FANK1: variants seen among roughly 807,000 people sequenced by gnomAD.
The protein encoded by FANK1 is fibronectin type 3 and ankyrin repeat domains protein 1.
FANK1 carries 44 observed loss-of-function variants against 45.3 expected under a neutral mutation model. That is an observed-to-expected ratio of 0.97 (90% confidence interval 0.76 to 1.25). The LOEUF (loss-of-function observed/expected upper bound fraction) is 1.25, where lower values mean the gene tolerates loss of function less well. FANK1 is among the 50% of genes most tolerant of loss of function. The probability of loss-of-function intolerance (pLI) is 0.00; values close to 1 mark genes in which losing one functional copy is unlikely to be tolerated. For synonymous variants in FANK1, 149 were observed against 152.5 expected (o/e 0.98, Z 0.17); for missense variants, 391 against 424.4 (o/e 0.92, Z 0.69).
At chr10:125,914,360 A>G (rs1345883152) in intron 1 of FANK1, among the ~76,000 whole-genome samples, 1 of 151,486 alleles carries the variant, frequency 6.6e-6, no homozygotes, top group African/African-American at 2.4e-5. Flanking sequence ...TGTAAGCTTC[A>G]TGAGGACAGG....
At chr10:125,981,642 T>C (rs1036742546) in intron 2 of FANK1, among the ~76,000 whole-genome samples, 1 of 152,206 alleles carries the variant, frequency 6.6e-6, no homozygotes, top group Non-Finnish European at 1.5e-5. Flanking sequence ...GATACAAATA[T>C]GGTTTTTAGT....
rs34132526 is a variant in FANK1, at chr10:125,906,515, C to CAAA, written c.13+9887_13+9889dup. The stretch of plus-strand genomic sequence containing the variant: ...TTGGGGACAGAGCAAGACTCTGTCT[C>CAAA]AAAAAAAAAAAAAAAAAAAAAAAAA... On this transcript the variant is annotated intron_variant, in intron 1 of 10. Transcript: ENST00000368693. 8.6e-4 allele frequency among the ~76,000 whole-genome samples: 40 copies of CAAA among 46,410 alleles called. 3 individuals are homozygous for CAAA. Among genetic ancestry groups the CAAA allele is most frequent in the African/African-American group, 1.6e-3 (21 of 13,426 alleles). The allele number at this position is 46,410 out of a possible 152,430, so 30.4% of individuals were successfully genotyped here.
At chr10:125,998,003 A>G (rs923479425) in intron 6 of FANK1, among the ~76,000 whole-genome samples, 11 of 152,246 alleles carry the variant, frequency 7.2e-5, no homozygotes, top group African/African-American at 1.9e-4. Flanking sequence ...GGAAAAGCTC[A>G]GGGGAAGAAC....
At chr10:125,947,178 A>G (rs968194751) in intron 1 of FANK1, among the ~76,000 whole-genome samples, 3 of 152,260 alleles carry the variant, frequency 2.0e-5, no homozygotes, top group South Asian at 2.1e-4. Context: ...TGTAAAGACC[A>G]TCAAGACTAG....
chr10:126,008,657 G>A lies in FANK1; in HGVS notation c.849+107G>A, dbSNP rs531677025. 31 of 1,308,704 alleles carry A rather than the reference G, an allele frequency of 2.4e-5. No individual in the cohort carries two copies. The East Asian group carries it at 6.9e-4, about 29-fold the overall frequency. The allele number at this position is 1,308,704 out of a possible 1,614,324, so 81.1% of individuals were successfully genotyped here. On this transcript the variant is annotated intron_variant, in intron 8 of 10. Transcript: ENST00000368693. Reference sequence around the variant, plus strand: ...AGTTCAGCCCTGCACCAGCCCTTGGGTTTGACTGTGTGTGTGTGTTCCCTG... The same window carrying A: ...AGTTCAGCCCTGCACCAGCCCTTGGATTTGACTGTGTGTGTGTGTTCCCTG...
chr10:125,909,685 ACTTTTT>A (rs1945830957), intron 1 of FANK1, among the ~76,000 whole-genome samples: 1 of 126,726 alleles, frequency 7.9e-6, no homozygotes, highest in African/African-American at 3.1e-5. Flanking sequence ...TGACCAATTA[ACTTTTT>A]TTTTTTTTTT....
At chr10:125,969,076 C>A (rs1055030281) in intron 1 of FANK1, among the ~76,000 whole-genome samples, 5 of 152,118 alleles carry the variant, frequency 3.3e-5, no homozygotes, top group African/African-American at 4.8e-5. Context: ...TTTTGAGGTA[C>A]TTCTTGTAGT....
intron 2 of FANK1, among the ~76,000 whole-genome samples, chr10:125,986,458 A>G (rs141414207): frequency 2.3e-3 from 343 of 152,358 alleles, no homozygotes; most frequent in African/African-American, 7.5e-3. Flanking sequence ...AGTTTTCAAA[A>G]AAAGGTTCTG....
chr10:125,905,282 T>TAAA (rs66941744), intron 1 of FANK1, among the ~76,000 whole-genome samples: 6 of 141,596 alleles, frequency 4.2e-5, no homozygotes, highest in East Asian at 2.0e-4. Flanking sequence ...TCACTAAGAT[T>TAAA]AAAAAAAAAA....
intron 1 of FANK1, chr10:125,972,893 A>AACACACACACACACACAC (rs150851164): frequency 4.9e-5 from 7 of 142,342 alleles, no homozygotes; most frequent in African/African-American, 1.3e-4. Flanking sequence ...ACCTGCCCCC[A>AACACACACACACACACAC]ACACACACAC....
At chr10:125,905,056 G>A (rs375520532) in intron 1 of FANK1, among the ~76,000 whole-genome samples, 2 of 150,926 alleles carry the variant, frequency 1.3e-5, no homozygotes, top group African/African-American at 4.9e-5. Flanking sequence ...GTGTGAACCC[G>A]GGAGGCGGAC....
rs532342212 is a variant in FANK1 at position 125,970,752 on chromosome 10, G to A, written c.14-9409G>A. ...TCAGGCAGGGAGGTTGCAGTGAGCC[G>A]AGATCGCGGCAGTACAGTCCAGCCT... On this transcript the variant is annotated intron_variant, in intron 1 of 10. Transcript: ENST00000368693. Among the ~76,000 whole-genome samples, 376 of 152,300 alleles carry A rather than the reference G, an allele frequency of 2.5e-3. 1 individual carries two copies. The highest frequency in any genetic ancestry group is 4.3e-3 in the Non-Finnish European group (291 of 68,014).
chr10:125,990,900 A>T (rs1036331687), intron 3 of FANK1, among the ~76,000 whole-genome samples: 10 of 152,184 alleles, frequency 6.6e-5, no homozygotes, highest in Admixed American at 2.6e-4. Context: ...AAGAGAGAGC[A>T]TGTGCAGGGG....
chr10:125,917,978 C>T (rs1464536625), intron 1 of FANK1, among the ~76,000 whole-genome samples: 1 of 152,262 alleles, frequency 6.6e-6, no homozygotes, highest in African/African-American at 2.4e-5. Context: ...ACTGGGGAGG[C>T]TGAGGTGGGT....
In FANK1 at chr10:126,009,093, C is replaced by CT. The variant is rs758559536; in HGVS notation, c.891dup (p.Leu298SerfsTer2). The CT allele has an allele frequency of 1.9e-6, 3 of 1,614,190 alleles. No individual in the cohort carries two copies. The highest frequency in any genetic ancestry group is 2.5e-6 in the Non-Finnish European group (3 of 1,180,036). On this transcript the variant is annotated frameshift_variant, in exon 9 of 11. Transcript: ENST00000368693. LOFTEE classifies it high-confidence loss of function. ...TAATCATGAAGAGTTAGTTCAGTTA[C>CT]TTCTTGACAAAGGGGCAGATGCAAG...
chr10:125,914,979 A>C (rs1369326319), intron 1 of FANK1, among the ~76,000 whole-genome samples: 1 of 152,102 alleles, frequency 6.6e-6, no homozygotes, highest in Non-Finnish European at 1.5e-5. Context: ...AAGCCCAGGG[A>C]ATGGTCGGGA....
rs912348301 is a variant in FANK1, at chr10:125,962,008, GCTT to G, written c.14-18150_14-18148del. Among the ~76,000 whole-genome samples the G allele has an allele frequency of 2.0e-3, 307 of 152,260 alleles. 2 individuals carry two copies. The highest frequency in any genetic ancestry group is 6.9e-3 in the African/African-American group (285 of 41,546). ...AAATGAGATTACATCAAACAAAAAA[GCTT>G]CTGCACAGCAAAGGAAACAATAAAC... is the stretch of plus-strand genomic sequence containing the variant. On this transcript the variant is annotated intron_variant, in intron 1 of 10. Transcript: ENST00000368693.
At chr10:125,949,040 C>T (rs1159643054) in intron 1 of FANK1, among the ~76,000 whole-genome samples, 2 of 150,558 alleles carry the variant, frequency 1.3e-5, no homozygotes, top group Non-Finnish European at 3.0e-5. Context: ...TCAATAGATA[C>T]AGAAAAAGCC....
chr10:125,926,059 A>T (rs1947322867), intron 1 of FANK1, among the ~76,000 whole-genome samples: 1 of 152,110 alleles, frequency 6.6e-6, no homozygotes, highest in South Asian at 2.1e-4. Flanking sequence ...AAATGTGCAT[A>T]TTTAAGTTAT....
Sources: allele counts gnomAD v4.1 joint callset (sites outside exome capture counted in the v4.1 genomes callset), GRCh38; gene constraint gnomAD v4.1.1; transcripts MANE v1.5; gene names NCBI Gene and HGNC (gene_info 2026-07-23, HGNC 2026-07-21).